NIBAN3: variants seen among roughly 807,000 people sequenced by gnomAD.
NIBAN3 encodes the protein protein Niban 3.
In NIBAN3, 66 loss-of-function variants were observed where a neutral mutation model predicts 76.4. That is an observed-to-expected ratio of 0.86 (90% CI 0.71 to 1.06). The LOEUF is 1.06. NIBAN3 is among the 50% of genes least tolerant of loss of function. The pLI is 0.00. For missense variants in NIBAN3, 808 were observed against 810.7 expected (o/e 1.00, Z 0.04); for synonymous variants, 360 against 355.2 (o/e 1.01, Z -0.15).
At position 17,530,664 on chromosome 19, in the gene NIBAN3, C is replaced by T. The variant is rs570951040; in HGVS notation, c.56-91C>T. 61 of 1,308,554 alleles carry T rather than the reference C, an allele frequency of 4.7e-5. No homozygotes were observed. The South Asian group carries it at 7.1e-4, about 15-fold the overall frequency. The allele number at this position is 1,308,554 out of a possible 1,614,324, so 81.1% of individuals were successfully genotyped here. On this transcript the variant is annotated intron_variant, in intron 1 of 14. Transcript: ENST00000599164. ...AAGCTCAGGATGACTACAGGAGCCCCCAGGTGGCTTCCCTGTCTGTTTTGC... is the reference window on the plus strand; with the variant it reads ...AAGCTCAGGATGACTACAGGAGCCCTCAGGTGGCTTCCCTGTCTGTTTTGC...
intron 8 of NIBAN3, among the ~76,000 whole-genome samples, chr19:17,540,002 G>A (rs886964356): frequency 6.6e-6 from 1 of 151,964 alleles, no homozygotes; most frequent in Non-Finnish European, 1.5e-5. Context: ...AGTCTGTCCG[G>A]AGGAAACCAG....
chr19:17,545,907 A>T (rs917841268), intron 12 of NIBAN3: 1 of 427,412 alleles, frequency 2.3e-6, no homozygotes, highest in African/African-American at 2.0e-5. Context: ...GTCTTCTCTA[A>T]ACTCCCCCGG....
At chr19:17,538,983 G>A (rs958843265) in intron 5 of NIBAN3, among the ~76,000 whole-genome samples, 167 bp from the exon 6 acceptor site, 2 of 152,356 alleles carry the variant, frequency 1.3e-5, no homozygotes, top group South Asian at 4.1e-4. Flanking sequence ...TAAACATGAT[G>A]GTCTTGGGGG....
intron 7 of NIBAN3, 52 bp from the exon 8 acceptor site, chr19:17,539,551 C>T: frequency 6.8e-7 from 1 of 1,479,406 alleles, no homozygotes; most frequent in Non-Finnish European, 9.0e-7. Flanking sequence ...CTCTCTGACC[C>T]CCATCCCCGC....
chr19:17,549,822 C>CTTT, intron 14 of NIBAN3: 1 of 431,832 alleles, frequency 2.3e-6, no homozygotes, highest in Non-Finnish European at 4.2e-6. Flanking sequence ...CTCTCTCTCT[C>CTTT]TCTCTTTTTT....
chr19:17,534,518 G>A (rs928691052), intron 4 of NIBAN3, among the ~76,000 whole-genome samples: 13 of 152,070 alleles, frequency 8.5e-5, no homozygotes, highest in African/African-American at 2.4e-4. Context: ...TAGGCCGGGC[G>A]TGGTGGCTCA....
upstream of NIBAN3, among the ~76,000 whole-genome samples, chr19:17,525,490 G>T (rs994883099): frequency 8.5e-5 from 13 of 152,214 alleles, no homozygotes; most frequent in African/African-American, 2.9e-4. Context: ...GGGACATAAA[G>T]GTCGCGCCCA....
Position 17,542,432 on chromosome 19 carries a change from G to C in NIBAN3, c.1329+138G>C. On this transcript the variant is annotated intron_variant, in intron 10 of 14. Coordinates refer to ENST00000599164, the MANE Select transcript of NIBAN3 (RefSeq NM_001321827.2). The surrounding 1 kb of genome is among the most constrained non-coding windows in gnomAD (Gnocchi z 4.8). ...GCCAGTCTCATGGGGACATGAGCCC[G>C]TGACCAGGCAGCAGCCACATGTGGT... is the stretch of plus-strand genomic sequence containing the variant. 1 of 919,902 alleles carries C rather than the reference G, an allele frequency of 1.1e-6. No individual in the cohort carries two copies. The highest frequency in any genetic ancestry group is 1.7e-5 in the South Asian group (1 of 59,408). 57.0% of individuals were successfully genotyped at this position (919,902 alleles called of 1,614,324 possible).
At chr19:17,524,189 C>T (rs1438764364), upstream of NIBAN3, among the ~76,000 whole-genome samples, 2 of 151,902 alleles carry the variant, frequency 1.3e-5, no homozygotes, top group African/African-American at 4.8e-5. Context: ...CTGCGCCCAA[C>T]TCCTCGCTTC....
downstream of NIBAN3, among the ~76,000 whole-genome samples, chr19:17,554,015 C>T (rs1238152384): frequency 1.3e-5 from 2 of 151,828 alleles, no homozygotes; most frequent in Admixed American, 6.6e-5. Flanking sequence ...GGATTACAGG[C>T]GAAGCGCCAC....
At chr19:17,550,685 T>C (rs1364335532) in intron 14 of NIBAN3, among the ~76,000 whole-genome samples, 1 of 151,786 alleles carries the variant, frequency 6.6e-6, no homozygotes, top group Non-Finnish European at 1.5e-5. Context: ...AACTAACAAA[T>C]ACAAACATGA....
rs774245647 is a variant in NIBAN3, at chr19:17,539,343, G to A, written c.712-4G>A. On this transcript the variant is annotated splice_polypyrimidine_tract_variant and splice_region_variant and intron_variant, in intron 6 of 14. Transcript: ENST00000599164. ...CGCGGCGCCCATGGCCCCCTCTCCT[G>A]CAGGTGCTGACCGCGGTGCTGATGC... The A allele has an allele frequency of 2.6e-5, 41 of 1,548,240 alleles. No homozygotes were observed. Among genetic ancestry groups the A allele is most frequent in the Non-Finnish European group, 3.5e-5 (40 of 1,147,644 alleles).
intron 4 of NIBAN3, 53 bp downstream of exon 4, chr19:17,533,754 C>A: frequency 7.7e-7 from 1 of 1,302,500 alleles, no homozygotes; most frequent in Non-Finnish European, 1.1e-6. Context: ...GCATCATTAA[C>A]ATGTGGGGCC....
rs2076120139 is a variant in NIBAN3, at chr19:17,549,569, T to C, written c.1750+42T>C. 2.0e-6 allele frequency: 3 copies of C among 1,507,560 alleles called. No homozygotes were observed. In the South Asian group the frequency reaches 3.4e-5, roughly 17 times the overall value. The allele number at this position is 1,507,560 out of a possible 1,614,324, so 93.4% of individuals were successfully genotyped here. On this transcript the variant is annotated intron_variant, in intron 14 of 14. Transcript: ENST00000599164. The stretch of plus-strand genomic sequence containing the variant: ...GCTTCTGAAACATGCCAGTGATTGC[T>C]GGGGGTGGGGAGGTGGAGGCCCACA...
chr19:17,538,430 A>AG (rs2075865242), intron 5 of NIBAN3, among the ~76,000 whole-genome samples: 1 of 151,006 alleles, frequency 6.6e-6, no homozygotes, highest in Admixed American at 6.6e-5. Flanking sequence ...AAAAAAAAAA[A>AG]AAAAGATGAG....
chr19:17,543,822 CT>C (rs1599746620), intron 12 of NIBAN3, 191 bp downstream of exon 12: 3 of 452,908 alleles, frequency 6.6e-6, no homozygotes, highest in Non-Finnish European at 1.2e-5. Flanking sequence ...GAAACCCTGT[CT>C]CTACTAAAAA....
rs182753835 is a variant in NIBAN3, at chr19:17,553,190, A to G, written c.*1292A>G. ...TTTTCTACTTTTCAGGAGTGTTTGCATTTTTCTTATTGATATCTAATAACT... is the reference window on the plus strand; with the variant it reads ...TTTTCTACTTTTCAGGAGTGTTTGCGTTTTTCTTATTGATATCTAATAACT... On this transcript the variant is annotated 3_prime_UTR_variant, in exon 15 of 15. Coordinates refer to ENST00000599164, the MANE Select transcript of NIBAN3 (RefSeq NM_001321827.2). The G allele has an allele frequency of 5.6e-5, 80 of 1,440,956 alleles. No individual in the cohort carries two copies. In the Admixed American group the frequency reaches 1.3e-3, roughly 23 times the overall value. 89.3% of individuals were successfully genotyped at this position (1,440,956 alleles called of 1,614,324 possible). A position where few individuals can be genotyped will look rare whatever the true frequency, so the allele number is the denominator to read the frequency against.
chr19:17,546,030 G>C (rs2076048616), intron 12 of NIBAN3: 1 of 418,702 alleles, frequency 2.4e-6, no homozygotes, highest in Non-Finnish European at 4.8e-6. Context: ...CCAGACGCTG[G>C]CGTCACCGCT....
In NIBAN3 at chr19:17,530,909, C is replaced by T. The variant is rs779644138; in HGVS notation, c.186+24C>T. ...AAGTGGGTGTTGTGGGGGCAGAGGACGTTTGAGTGTTAGGGGAGGGTCCTG... is the reference window on the plus strand; with the variant it reads ...AAGTGGGTGTTGTGGGGGCAGAGGATGTTTGAGTGTTAGGGGAGGGTCCTG... On this transcript the variant is annotated intron_variant, in intron 2 of 14. Transcript: ENST00000599164. The T allele has an allele frequency of 1.7e-5, 28 of 1,608,154 alleles. No individual in the cohort carries two copies. The Admixed American group carries it at 2.0e-4, about 12-fold the overall frequency.
Sources: allele counts gnomAD v4.1 joint callset (sites outside exome capture counted in the v4.1 genomes callset), GRCh38; gene constraint gnomAD v4.1.1; non-coding constraint Gnocchi (gnomAD v3.1); transcripts MANE v1.5; gene names NCBI Gene and HGNC (gene_info 2026-07-23, HGNC 2026-07-21).